The following PPP1R16B variants were observed in gnomAD, a reference collection of about 807,000 sequenced individuals.
The protein encoded by PPP1R16B is protein phosphatase 1 regulatory subunit 16B, also known as protein phosphatase 1 regulatory inhibitor subunit 16B.
Under a neutral mutation model 61.7 loss-of-function variants are expected in PPP1R16B, and 14 were observed. The observed-to-expected ratio is 0.23, with a 90% CI of 0.15 to 0.35. The LOEUF is 0.35. Ranked by LOEUF, PPP1R16B falls within the 10% of genes least tolerant of loss-of-function variation. The pLI is 1.00. For synonymous variants in PPP1R16B, 266 were observed against 305.3 expected, an observed-to-expected ratio of 0.87 and a Z score of 1.34; for missense variants, 547 against 752.5, an observed-to-expected ratio of 0.73 and a Z score of 3.19.
rs904681655 is a variant in PPP1R16B at position 38,824,991 on chromosome 20, AT to A, written c.-101-10833del. 9.2e-5 allele frequency among the ~76,000 whole-genome samples: 14 copies of A among 152,360 alleles called. No homozygotes were observed. In the East Asian group the frequency reaches 9.6e-4, roughly 10 times the overall value. ...CCTGGGCAACAGAGTGGGACTCTGT[AT>A]CCAAAAAAAATTCTATACCAACTAC... On this transcript the variant is annotated intron_variant, in intron 1 of 10. Coordinates refer to ENST00000299824, the MANE Select transcript of PPP1R16B (RefSeq NM_015568.4).
In PPP1R16B at chr20:38,916,255, T is replaced by A. The variant is rs562181266; in HGVS notation, c.1195-1902T>A. 2.7e-5 allele frequency among the ~76,000 whole-genome samples: 4 copies of A among 148,850 alleles called. No homozygotes were observed. The Admixed American group carries it at 2.7e-4, about 10-fold the overall frequency. Reference sequence around the variant, plus strand: ...ATAAATGGAAACTTACTATGGAAAGTGTTCTTTGCCTTATCACATATTACC... The same window carrying A: ...ATAAATGGAAACTTACTATGGAAAGAGTTCTTTGCCTTATCACATATTACC... On this transcript the variant is annotated intron_variant, in intron 10 of 10. Coordinates refer to ENST00000299824, the MANE Select transcript of PPP1R16B (RefSeq NM_015568.4).
intron 2 of PPP1R16B, among the ~76,000 whole-genome samples, chr20:38,851,144 G>A (rs1336570636): frequency 4.0e-5 from 6 of 151,376 alleles, no homozygotes; most frequent in Non-Finnish European, 8.8e-5. Context: ...AGTAGCAGGA[G>A]TCTCGACAAT....
chr20:38,825,474 A>G (rs1445873252), intron 1 of PPP1R16B, among the ~76,000 whole-genome samples: 1 of 152,216 alleles, frequency 6.6e-6, no homozygotes, highest in Non-Finnish European at 1.5e-5. Flanking sequence ...CCAATTTGTA[A>G]TAGAACAAGT....
At chr20:38,817,059 C>T (rs1427454828) in intron 1 of PPP1R16B, among the ~76,000 whole-genome samples, 1 of 152,218 alleles carries the variant, frequency 6.6e-6, no homozygotes, top group Non-Finnish European at 1.5e-5. Context: ...CTACCATGTG[C>T]TGGGTGGCGC....
intron 1 of PPP1R16B, among the ~76,000 whole-genome samples, chr20:38,833,918 G>A (rs1371134309): frequency 2.0e-5 from 3 of 152,198 alleles, no homozygotes; most frequent in South Asian, 4.1e-4. Flanking sequence ...TTGGAGGGGC[G>A]GGTGACGCAG....
chr20:38,864,965 A>T (rs1010004738), intron 2 of PPP1R16B, among the ~76,000 whole-genome samples: 3 of 152,074 alleles, frequency 2.0e-5, no homozygotes, highest in Non-Finnish European at 2.9e-5. Flanking sequence ...AACACCATTA[A>T]ATGGGCTGGG....
At chr20:38,882,308 G>C (rs2085208807) in intron 2 of PPP1R16B, among the ~76,000 whole-genome samples, 1 of 152,124 alleles carries the variant, frequency 6.6e-6, no homozygotes, top group South Asian at 2.1e-4. Flanking sequence ...AGGTCAGGTG[G>C]TGTTGATGAG....
chr20:38,870,352 A>G (rs1038356226), intron 2 of PPP1R16B, among the ~76,000 whole-genome samples: 2 of 152,218 alleles, frequency 1.3e-5, no homozygotes, highest in Non-Finnish European at 2.9e-5. Context: ...CTACAAGTCC[A>G]CATACACATA....
chr20:38,902,801 A>T lies in PPP1R16B; in HGVS notation c.696+9A>T. 2 of 1,614,092 alleles carry T rather than the reference A, an allele frequency of 1.2e-6. No individual in the cohort carries two copies. Among genetic ancestry groups the T allele is most frequent in the Non-Finnish European group, 1.7e-6 (2 of 1,180,006 alleles). On this transcript the variant is annotated intron_variant, in intron 6 of 10. Coordinates refer to ENST00000299824, the MANE Select transcript of PPP1R16B (RefSeq NM_015568.4). ...CCCAGGGTGCCACACTGGTGAGGAG[A>T]TGGGCCAGTACCAAAACCAAGACCA...
At chr20:38,855,508 C>T (rs893423259) in intron 2 of PPP1R16B, among the ~76,000 whole-genome samples, 2 of 152,266 alleles carry the variant, frequency 1.3e-5, no homozygotes, top group Admixed American at 6.5e-5. Context: ...TGACTTTCTT[C>T]TCCATTTGCT....
chr20:38,858,564 T>C (rs2085024399), intron 2 of PPP1R16B, among the ~76,000 whole-genome samples: 1 of 152,118 alleles, frequency 6.6e-6, no homozygotes, highest in African/African-American at 2.4e-5. Context: ...CCAAACCTGA[T>C]TTATTGGGTA....
chr20:38,861,469 G>A (rs1168181972), intron 2 of PPP1R16B, among the ~76,000 whole-genome samples: 5 of 152,130 alleles, frequency 3.3e-5, no homozygotes, highest in Non-Finnish European at 7.4e-5. Context: ...CACCTGGGGG[G>A]CTAGGCTCTG....
chr20:38,906,903 C>T (rs1357158228), intron 7 of PPP1R16B, 76 bp from the exon 8 acceptor site: 2 of 1,275,242 alleles, frequency 1.6e-6, no homozygotes, highest in Non-Finnish European at 2.3e-6. Context: ...CCTAAGAGGC[C>T]TTGGGCACTC....
chr20:38,871,668 GGGAA>G (rs1327408135), intron 2 of PPP1R16B, among the ~76,000 whole-genome samples: 1 of 138,006 alleles, frequency 7.2e-6, no homozygotes, highest in East Asian at 2.3e-4. Flanking sequence ...GAGGGAGGGA[GGGAA>G]GGAAGGAGGG....
At chr20:38,900,935 G>C (rs1385261813) in intron 5 of PPP1R16B, among the ~76,000 whole-genome samples, 1 of 152,222 alleles carries the variant, frequency 6.6e-6, no homozygotes, top group African/African-American at 2.4e-5. Flanking sequence ...CACGCAGGTG[G>C]CCGCAGCTGG....
chr20:38,918,493 G>A lies in PPP1R16B; in HGVS notation c.1531G>A (p.Glu511Lys), dbSNP rs761354127. ...HLGSSMARTGESSSEGKAPLI... is the reference protein window; with the variant it reads ...HLGSSMARTGKSSSEGKAPLI... ...GGGCAGCAGCATGGCCAGGACGGGC[G>A]AGAGTAGCAGTGAAGGCAAGGCCCC... The change falls in exon 11 of 11, where the codon GAG becomes AAG. Residue 511 changes from glutamate (E) to lysine (K), a missense_variant. Glu to Lys is a moderately conservative substitution (Grantham distance 56). Transcript: ENST00000299824. This position sits in a 1 kb window ranked among gnomAD's most constrained non-coding sequence, Gnocchi z 5.3. The A allele has an allele frequency of 1.7e-5, 27 of 1,608,598 alleles. No homozygotes were observed. The East Asian group carries it at 5.1e-4, about 31-fold the overall frequency.
rs1469106122 is a variant in PPP1R16B, at chr20:38,855,973, GA to G, written c.250+19799del. On this transcript the variant is annotated intron_variant, in intron 2 of 10. Transcript: ENST00000299824. ...AGAGAGAGAGAGAGAGAGAGAGAGA[GA>G]GAGAGAGAAGGAGGAGGAGAGAGAC... is the stretch of plus-strand genomic sequence containing the variant. 2.2e-4 allele frequency among the ~76,000 whole-genome samples: 27 copies of G among 123,956 alleles called. 2 individuals carry two copies. The highest frequency in any genetic ancestry group is 3.2e-4 in the Non-Finnish European group (19 of 59,232). The allele number at this position is 123,956 out of a possible 152,430, so 81.3% of individuals were successfully genotyped here. A position where few individuals can be genotyped will look rare whatever the true frequency, so the allele number is the denominator to read the frequency against.
intron 2 of PPP1R16B, among the ~76,000 whole-genome samples, chr20:38,884,532 T>C (rs1320337949): frequency 6.6e-6 from 1 of 152,172 alleles, no homozygotes; most frequent in Non-Finnish European, 1.5e-5. Context: ...TGTGGATGTG[T>C]TCCAATAAAA....
At chr20:38,834,606 C>CT (rs1371994572) in intron 1 of PPP1R16B, among the ~76,000 whole-genome samples, 1 of 152,050 alleles carries the variant, frequency 6.6e-6, no homozygotes, top group Non-Finnish European at 1.5e-5. Flanking sequence ...AGTTTTTAAA[C>CT]TTTTTTGTCT....
Sources: allele counts gnomAD v4.1 joint callset (sites outside exome capture counted in the v4.1 genomes callset), GRCh38; gene constraint gnomAD v4.1.1; non-coding constraint Gnocchi (gnomAD v3.1); transcripts MANE v1.5; gene names NCBI Gene and HGNC (gene_info 2026-07-23, HGNC 2026-07-21).